Variants in SV2A observed in about 807,000 individuals in gnomAD.
SV2A encodes the protein solute carrier family 22 member B1.
A neutral mutation model predicts 78.0 loss-of-function variants in SV2A; 25 were observed. The observed-to-expected ratio is 0.32, with a 90% CI of 0.23 to 0.45. The LOEUF (loss-of-function observed/expected upper bound fraction) is 0.45, where lower values mean the gene tolerates loss of function less well. Ranked by LOEUF, SV2A falls within the 20% of genes least tolerant of loss-of-function variation. SV2A has a pLI of 1.00. For missense variants in SV2A, 752 were observed against 971.5 expected (o/e 0.77, Z 3.00); for synonymous variants, 355 against 384.7 (o/e 0.92, Z 0.90).
chr1:149,908,171 A>G lies in SV2A; in HGVS notation c.1415T>C (p.Ile472Thr). The change falls in exon 9 of 13, where the codon ATC (isoleucine) becomes ACC (threonine). Residue 472 changes from isoleucine (I) to threonine (T), a missense_variant. This residue lies in a region of SV2A where 81 missense variants were observed against 74.2 expected (regional missense o/e 1.09). Coordinates refer to ENST00000369146, the MANE Select transcript of SV2A (RefSeq NM_014849.5). Reference protein sequence around the residue: ...YGLTVWFPDMIRHLQAVDYAS... With the variant: ...YGLTVWFPDMTRHLQAVDYAS... ...GTAGTCCACTGCCTGGAGATGGCGGATCATGTCAGGAAACCAGACGGTCAG... is the reference window on the plus strand; with the variant it reads ...GTAGTCCACTGCCTGGAGATGGCGGGTCATGTCAGGAAACCAGACGGTCAG... The G allele has an allele frequency of 6.2e-7, 1 of 1,614,184 alleles. No homozygotes were observed. The highest frequency in any genetic ancestry group is 8.5e-7 in the Non-Finnish European group (1 of 1,180,010).
chr1:149,905,008 A>AC lies in SV2A; in HGVS notation c.*5dup. On this transcript the variant is annotated 3_prime_UTR_variant, in exon 13 of 13. Coordinates refer to ENST00000369146, the MANE Select transcript of SV2A (RefSeq NM_014849.5). ...GCCTGCCAATCCCAAAGCCCTAGAGACCCCTTCACTGCAGCACCTGCCCCC... is the reference window on the plus strand; with the variant it reads ...GCCTGCCAATCCCAAAGCCCTAGAGACCCCCTTCACTGCAGCACCTGCCCCC... 1 of 1,607,034 alleles carries AC rather than the reference A, an allele frequency of 6.2e-7. No homozygotes were observed.
intron 9 of SV2A, 39 bp downstream of exon 9, chr1:149,908,003 G>A (rs1200737236): frequency 1.2e-6 from 2 of 1,602,956 alleles, no homozygotes; most frequent in Non-Finnish European, 1.7e-6. Flanking sequence ...CGAGGTAGAA[G>A]GAACAGGGAA....
Position 149,910,291 on chromosome 1 carries a change from G to A in SV2A, c.1089+279C>T, listed in dbSNP as rs1216063549. 1.3e-5 allele frequency among the ~76,000 whole-genome samples: 2 copies of A among 152,218 alleles called. No homozygotes were observed. The highest frequency in any genetic ancestry group is 2.4e-5 in the African/African-American group (1 of 41,448). On this transcript the variant is annotated intron_variant, in intron 5 of 12. Coordinates refer to ENST00000369146, the MANE Select transcript of SV2A (RefSeq NM_014849.5). The surrounding 1 kb of genome is among the most constrained non-coding windows in gnomAD (Gnocchi z 4.2). Reference sequence around the variant, plus strand: ...AGGGGGTGGGAATGTCTCTTGAGCTGTAAATGCAGGACAGGGCCAAGGCCC... The same window carrying A: ...AGGGGGTGGGAATGTCTCTTGAGCTATAAATGCAGGACAGGGCCAAGGCCC...
rs1469737427 is a variant in SV2A at position 149,908,112 on chromosome 1, C to T, written c.1474G>A (p.Val492Ile). 2.5e-6 allele frequency: 4 copies of T among 1,614,054 alleles called. No individual in the cohort carries two copies. The highest frequency in any genetic ancestry group is 2.5e-6 in the Non-Finnish European group (3 of 1,180,036). ...GTGAAGTTAAAAGTTACATGCTCTA[C>T]GCGCTCCCCGGGGAACACTTTGGTG... The part of the protein sequence containing the change: ...SRTKVFPGER[V>I]EHVTFNFTLE... The change falls in exon 9 of 13, where the codon GTA (valine) becomes ATA (isoleucine). Residue 492 changes from valine to isoleucine, a missense_variant. Coordinates refer to ENST00000369146, the MANE Select transcript of SV2A (RefSeq NM_014849.5).
chr1:149,917,373 T>TGGG (rs1416523100), intron 1 of SV2A, among the ~76,000 whole-genome samples: 1 of 151,192 alleles, frequency 6.6e-6, no homozygotes, highest in Non-Finnish European at 1.5e-5. Flanking sequence ...ATCCTGGGGG[T>TGGG]GGGGGGACGT....
At chr1:149,911,180 GGGAA>G (rs1255269458) in intron 3 of SV2A, among the ~76,000 whole-genome samples, 2 of 152,132 alleles carry the variant, frequency 1.3e-5, no homozygotes, top group Non-Finnish European at 2.9e-5. Flanking sequence ...GCGAGTCTCA[GGGAA>G]AGGGAAAGAG....
At chr1:149,912,060 C>G in intron 2 of SV2A, 80 bp from the exon 3 acceptor site, 1 of 1,403,144 alleles carries the variant, frequency 7.1e-7, no homozygotes, top group South Asian at 1.4e-5. Flanking sequence ...ACTGAGGGAG[C>G]TGAAGGATCT....
In SV2A at chr1:149,909,463, G is replaced by GC; in HGVS notation, c.1287dup (p.Gln430AlafsTer41). 2 of 1,609,280 alleles carry GC rather than the reference G, an allele frequency of 1.2e-6. No individual in the cohort carries two copies. The highest frequency in any genetic ancestry group is 1.7e-6 in the Non-Finnish European group (2 of 1,177,514). ...TCTACCACCCCGTCCACCATTACCT[G>GC]CCCCCCTAGGCTCAAGGCCCGGACC... On this transcript the variant is annotated frameshift_variant, in exon 7 of 13. Coordinates refer to ENST00000369146, the MANE Select transcript of SV2A (RefSeq NM_014849.5). LOFTEE classifies it high-confidence loss of function.
rs1455355310 is a variant in SV2A at position 149,904,871 on chromosome 1, G to C, written c.*143C>G. ...CCACGGGGTTTACACACATGCACAC[G>C]CACACGCACACACAGCTAAGACACC... On this transcript the variant is annotated 3_prime_UTR_variant, in exon 13 of 13. Transcript: ENST00000369146. 1.1e-6 allele frequency: 1 copy of C among 895,470 alleles called. No homozygotes were observed. Among genetic ancestry groups the C allele is most frequent in the African/African-American group, 1.7e-5 (1 of 59,094 alleles). 55.5% of individuals were successfully genotyped at this position (895,470 alleles called of 1,614,324 possible).
rs111610080 is a variant in SV2A, at chr1:149,913,128, G to T, written c.622+91C>A. ...GGAACATCTTGGGTGCAGGGTCCTAGGGAACCCAGTGGTAAGGACAAGAGC... is the reference window on the plus strand; with the variant it reads ...GGAACATCTTGGGTGCAGGGTCCTATGGAACCCAGTGGTAAGGACAAGAGC... On this transcript the variant is annotated intron_variant, in intron 2 of 12. Coordinates refer to ENST00000369146, the MANE Select transcript of SV2A (RefSeq NM_014849.5). 2.4e-5 allele frequency: 37 copies of T among 1,516,924 alleles called. 2 individuals are homozygous for T. The African/African-American group carries it at 2.6e-4, about 11-fold the overall frequency. 94.0% of individuals were successfully genotyped at this position (1,516,924 alleles called of 1,614,324 possible).
chr1:149,909,917 T>A (rs782801711), intron 5 of SV2A, 27 bp from the exon 6 acceptor site: 15 of 1,610,700 alleles, frequency 9.3e-6, no homozygotes, highest in African/African-American at 4.0e-5. Flanking sequence ...AATCCCCACA[T>A]CCAAGTCAGC....
chr1:149,907,242 C>A (rs1425585504), intron 10 of SV2A, among the ~76,000 whole-genome samples: 1 of 152,152 alleles, frequency 6.6e-6, no homozygotes, highest in Admixed American at 6.5e-5. Flanking sequence ...GGAAAAAGCT[C>A]GCCCAGTATG....
In SV2A at chr1:149,911,783, A is replaced by C. The variant is rs587693644; in HGVS notation, c.803+17T>G. The C allele has an allele frequency of 1.1e-4, 171 of 1,612,322 alleles. 2 individuals carry two copies. The South Asian group carries it at 1.8e-3, about 17-fold the overall frequency. ...GCACAGTCCTGCCCTCAAGGGACTT[A>C]GGAAGTGTACACTCACCCAACCCCA... On this transcript the variant is annotated intron_variant, in intron 3 of 12. Coordinates refer to ENST00000369146, the MANE Select transcript of SV2A (RefSeq NM_014849.5).
At chr1:149,914,365 C>T (rs911192127) in intron 1 of SV2A, among the ~76,000 whole-genome samples, 178 bp from the exon 2 acceptor site, 1 of 152,202 alleles carries the variant, frequency 6.6e-6, no homozygotes, top group African/African-American at 2.4e-5. Flanking sequence ...AACCGGGTCA[C>T]TCACATAGAA....
In SV2A at chr1:149,909,820, T is replaced by C. The variant is rs782745537; in HGVS notation, c.1160A>G (p.His387Arg). The C allele has an allele frequency of 1.9e-6, 3 of 1,614,034 alleles. 1 individual carries two copies. The highest frequency in any genetic ancestry group is 2.5e-6 in the Non-Finnish European group (3 of 1,180,006). ...GCTTACTGAGAACACTCGCTCAGGATGTCCTTTGGCTCGCATGTTGGTATC... is the reference window on the plus strand; with the variant it reads ...GCTTACTGAGAACACTCGCTCAGGACGTCCTTTGGCTCGCATGTTGGTATC... ...VHDTNMRAKG[H>R]PERVFSVTHI... Residue 387 changes from histidine to arginine, a missense_variant, in exon 6 of 13, where the codon CAT (histidine) becomes CGT (arginine). His to Arg is a conservative substitution (Grantham distance 29). This residue lies in a region of SV2A where 136 missense variants were observed against 132.3 expected (regional missense o/e 1.03). Coordinates refer to ENST00000369146, the MANE Select transcript of SV2A (RefSeq NM_014849.5).
Position 149,911,850 on chromosome 1 carries a change from A to G in SV2A, c.753T>C (p.Phe251=). ...AGAGGAAAGTGCCGTAACCCTGGACAAAAGATGAGAAGAAGGCGAAGACGC... is the reference window on the plus strand; with the variant it reads ...AGAGGAAAGTGCCGTAACCCTGGACGAAAGATGAGAAGAAGGCGAAGACGC... ...VNSVFAFFSS[F]VQGYGTFLFC... is the part of the protein sequence containing the mutation. Residue 251 remains phenylalanine, a synonymous_variant, in exon 3 of 13, where the codon TTT becomes TTC. Coordinates refer to ENST00000369146, the MANE Select transcript of SV2A (RefSeq NM_014849.5). The G allele has an allele frequency of 6.2e-6, 10 of 1,614,220 alleles. No homozygotes were observed. Among genetic ancestry groups the G allele is most frequent in the Non-Finnish European group, 8.5e-6 (10 of 1,180,032 alleles).
intron 3 of SV2A, among the ~76,000 whole-genome samples, 166 bp from the exon 4 acceptor site, chr1:149,911,143 A>G (rs2092472948): frequency 6.6e-6 from 1 of 152,184 alleles, no homozygotes; most frequent in Admixed American, 6.5e-5. Flanking sequence ...TCAAGCACCC[A>G]TCCTTGGGAC....
At chr1:149,907,910 A>G in intron 9 of SV2A, 77 bp from the exon 10 acceptor site, 1 of 1,579,198 alleles carries the variant, frequency 6.3e-7, no homozygotes, top group Non-Finnish European at 8.6e-7. Context: ...TAGCGAAGTA[A>G]TGGGAAGCTG....
intron 10 of SV2A, among the ~76,000 whole-genome samples, chr1:149,907,470 A>G (rs1553762937): frequency 2.0e-5 from 3 of 152,224 alleles, no homozygotes; most frequent in African/African-American, 7.2e-5. Context: ...AATTTCAGCC[A>G]AAGGCAAATA....
Sources: gnomAD v4.1 joint callset for allele counts (sites outside exome capture counted in the v4.1 genomes callset) on GRCh38, gnomAD v4.1.1 for gene constraint, gnomAD v4.1.1 regional missense constraint, Gnocchi (gnomAD v3.1) non-coding constraint, MANE v1.5 for transcripts, NCBI Gene and HGNC (gene_info 2026-07-23, HGNC 2026-07-21) for gene names.